PPP2R2B: variants seen among roughly 807,000 people sequenced by gnomAD.
PPP2R2B encodes the protein serine/threonine-protein phosphatase 2A 55 kDa regulatory subunit B beta isoform.
In PPP2R2B, 5 loss-of-function variants were observed where a neutral mutation model predicts 46.0. The observed-to-expected ratio is 0.11, with a 90% CI of 0.06 to 0.23. PPP2R2B has a LOEUF of 0.23. Ranked by LOEUF, PPP2R2B falls within the 10% of genes least tolerant of loss-of-function variation. The pLI is 1.00. For missense variants in PPP2R2B, 367 were observed against 575.0 expected (o/e 0.64, Z 3.70); for synonymous variants, 215 against 206.7 (o/e 1.04, Z -0.34).
chr5:147,066,859 T>C (rs746015359), intron 2 of PPP2R2B, among the ~76,000 whole-genome samples: 6 of 152,058 alleles, frequency 3.9e-5, no homozygotes, highest in Non-Finnish European at 5.9e-5. Context: ...AAGAGCCAAA[T>C]ACATGGCCTG....
At chr5:146,815,661 A>C (rs1229723041) in intron 2 of PPP2R2B, among the ~76,000 whole-genome samples, 1 of 152,190 alleles carries the variant, frequency 6.6e-6, no homozygotes, top group African/African-American at 2.4e-5. Flanking sequence ...AGACCCTTTT[A>C]CTGTTGGGTT....
rs142817647 is a variant in PPP2R2B at position 146,797,659 on chromosome 5, A to C, written c.70+80343T>G. Among the ~76,000 whole-genome samples, 598 of 152,336 alleles carry C rather than the reference A, an allele frequency of 3.9e-3. 9 individuals carry two copies. Among genetic ancestry groups the C allele is most frequent in the African/African-American group, 0.014 (571 of 41,574 alleles). Reference sequence around the variant, plus strand: ...AGCAGCTAAGCACATTATTGTCATCAAATGGTATTTATTGAACATGCAGTA... The same window carrying C: ...AGCAGCTAAGCACATTATTGTCATCCAATGGTATTTATTGAACATGCAGTA... On this transcript the variant is annotated intron_variant, in intron 2 of 9. Transcript: ENST00000394411.
chr5:146,675,790 G>T (rs181540003), intron 5 of PPP2R2B, among the ~76,000 whole-genome samples: 13 of 151,940 alleles, frequency 8.6e-5, no homozygotes, highest in African/African-American at 2.4e-4. Context: ...TCTTTTTTAT[G>T]GTTCTGCACT....
chr5:146,850,753 A>G (rs1021420991), intron 2 of PPP2R2B, among the ~76,000 whole-genome samples: 2 of 152,154 alleles, frequency 1.3e-5, no homozygotes, highest in African/African-American at 4.8e-5. Flanking sequence ...TTGCAATTGT[A>G]CATTTATCTT....
intron 1 of PPP2R2B, among the ~76,000 whole-genome samples, chr5:146,995,608 A>G (rs1256804406): frequency 1.8e-4 from 27 of 152,040 alleles, no homozygotes; most frequent in Non-Finnish European, 5.9e-5. Context: ...CACAAGTTCA[A>G]CTCCATATTT....
chr5:146,626,284 G>A (rs139277487), intron 7 of PPP2R2B, among the ~76,000 whole-genome samples: 5 of 152,088 alleles, frequency 3.3e-5, no homozygotes, highest in South Asian at 2.1e-4. Flanking sequence ...GGGGAAAAAC[G>A]GGCTGTTGGA....
intron 2 of PPP2R2B, among the ~76,000 whole-genome samples, chr5:147,061,951 TTTTGTTTG>T (rs376488773): frequency 6.6e-6 from 1 of 152,018 alleles, no homozygotes; most frequent in Non-Finnish European, 1.5e-5. Context: ...GCAACAGGAT[TTTTGTTTG>T]TTTGTTTGTT....
intron 2 of PPP2R2B, among the ~76,000 whole-genome samples, chr5:147,076,500 T>A (rs1757770289): frequency 6.6e-6 from 1 of 152,180 alleles, no homozygotes; most frequent in South Asian, 2.1e-4. Flanking sequence ...ATTTTCTGAT[T>A]TTTATTGGTT....
chr5:147,040,827 G>C (rs1756258939), intron 1 of PPP2R2B: 1 of 430,626 alleles, frequency 2.3e-6, no homozygotes, highest in South Asian at 1.7e-5. Context: ...AAAAAAAACT[G>C]TAAAATAATA....
At chr5:146,791,600 C>A (rs1218727505) in intron 2 of PPP2R2B, among the ~76,000 whole-genome samples, 2 of 152,120 alleles carry the variant, frequency 1.3e-5, no homozygotes, top group Non-Finnish European at 2.9e-5. Flanking sequence ...TCTCTTCACA[C>A]TCACTCCTCA....
At chr5:146,940,680 C>G (rs991181205) in intron 1 of PPP2R2B, among the ~76,000 whole-genome samples, 2 of 152,102 alleles carry the variant, frequency 1.3e-5, no homozygotes, top group African/African-American at 4.8e-5. Context: ...ATTGGGTTTC[C>G]GTCATTTGAA....
intron 2 of PPP2R2B, chr5:146,706,375 G>T: frequency 3.0e-6 from 2 of 672,650 alleles, no homozygotes; most frequent in Non-Finnish European, 5.2e-6. Flanking sequence ...GGCCCCCATA[G>T]GCCAAGCTCA....
At position 147,055,480 on chromosome 5, in the gene PPP2R2B, C is replaced by T. The variant is rs538712677; in HGVS notation, c.79+185G>A. Among the ~76,000 whole-genome samples the T allele has an allele frequency of 2.0e-5, 3 of 152,334 alleles. No homozygotes were observed. In the East Asian group the frequency reaches 5.8e-4, roughly 29 times the overall value. ...ACATTATTCTGTTCTTCAGAAAACA[C>T]TTCCCTTTCCTTGTACAAGACAGAC... is the stretch of plus-strand genomic sequence containing the variant. On this transcript the variant is annotated intron_variant, in intron 1 of 8. Transcript: ENST00000336640.
intron 2 of PPP2R2B, among the ~76,000 whole-genome samples, chr5:146,808,958 G>GGTGTGTGTGTGTGTGTGTGTGT (rs35023590): frequency 1.4e-5 from 2 of 146,262 alleles, no homozygotes; most frequent in African/African-American, 5.2e-5. Flanking sequence ...TGCTAACACT[G>GGTGTGTGTGTGTGTGTGTGTGT]GTGTGTGTGT....
intron 1 of PPP2R2B, among the ~76,000 whole-genome samples, chr5:146,981,536 T>C (rs959231116): frequency 5.9e-5 from 9 of 152,192 alleles, no homozygotes; most frequent in African/African-American, 1.7e-4. Context: ...TTTTTTCCTT[T>C]GAGATAATTG....
At chr5:146,801,718 A>G (rs1756878311) in intron 2 of PPP2R2B, among the ~76,000 whole-genome samples, 1 of 152,222 alleles carries the variant, frequency 6.6e-6, no homozygotes, top group African/African-American at 2.4e-5. Flanking sequence ...TTACCTACTT[A>G]ATAAGGGTGC....
rs971126063 is a variant in PPP2R2B, at chr5:147,009,046, T to A, written c.79+46619A>T. ...ATAAAAATGATCACCATAAAATCCA[T>A]TGCTGCATTACTTTTAGAAAGCTCT... On this transcript the variant is annotated intron_variant, in intron 1 of 8. Transcript: ENST00000336640. 2.6e-5 allele frequency among the ~76,000 whole-genome samples: 4 copies of A among 152,150 alleles called. No homozygotes were observed. The South Asian group carries it at 8.3e-4, about 32-fold the overall frequency.
intron 2 of PPP2R2B, among the ~76,000 whole-genome samples, chr5:146,860,820 T>G (rs1157703167): frequency 2.0e-5 from 3 of 152,158 alleles, no homozygotes; most frequent in Non-Finnish European, 4.4e-5. Context: ...TCCAGACCGT[T>G]GCTCAGTCCC....
chr5:146,842,726 G>A (rs573140301), intron 2 of PPP2R2B, among the ~76,000 whole-genome samples: 6 of 152,164 alleles, frequency 3.9e-5, no homozygotes, highest in South Asian at 4.2e-4. Context: ...CCACTTATAA[G>A]TGAGAACATG....
Sources: allele counts gnomAD v4.1 joint callset (sites outside exome capture counted in the v4.1 genomes callset), GRCh38; gene constraint gnomAD v4.1.1; transcripts MANE v1.5; gene names NCBI Gene and HGNC (gene_info 2026-07-23, HGNC 2026-07-21).